SYCP2L: variants seen among roughly 807,000 people sequenced by gnomAD.
The protein encoded by SYCP2L is synaptonemal complex protein 2 like, also known as synaptonemal complex protein 2-like.
SYCP2L carries 98 observed loss-of-function variants against 125.8 expected under a neutral mutation model. The ratio of observed to expected loss-of-function variants is 0.78; its 90% confidence interval spans 0.66 to 0.92. The LOEUF (loss-of-function observed/expected upper bound fraction) is 0.92. Among genes scored for constraint, SYCP2L ranks in the 40% least tolerant of loss-of-function variants. SYCP2L has a pLI of 0.00. For missense variants in SYCP2L, 842 were observed against 936.4 expected (o/e 0.90, Z 1.32); for synonymous variants, 317 against 325.4 (o/e 0.97, Z 0.28).
At chr6:10,923,793 C>T (rs1304021886) in intron 14 of SYCP2L, among the ~76,000 whole-genome samples, 2 of 151,718 alleles carry the variant, frequency 1.3e-5, no homozygotes, top group Non-Finnish European at 2.9e-5. Flanking sequence ...ACGCCATTCT[C>T]CCGCCTCAGC....
intron 21 of SYCP2L, among the ~76,000 whole-genome samples, chr6:10,936,018 T>C (rs1049245966): frequency 6.6e-6 from 1 of 151,104 alleles, no homozygotes; most frequent in African/African-American, 2.4e-5. Context: ...TGTTTTTAAG[T>C]TTGTTAATAA....
At chr6:10,906,971 C>T (rs1780508356) in intron 9 of SYCP2L, among the ~76,000 whole-genome samples, 3 of 151,738 alleles carry the variant, frequency 2.0e-5, no homozygotes, top group Admixed American at 2.0e-4. Context: ...AATATAACAC[C>T]CATAAATATT....
chr6:10,949,427 C>T (rs551920048), intron 23 of SYCP2L, among the ~76,000 whole-genome samples: 2 of 152,152 alleles, frequency 1.3e-5, no homozygotes, highest in East Asian at 3.9e-4. Flanking sequence ...TTACTTATTG[C>T]TAATTTTTTG....
chr6:10,920,057 C>T (rs1780766595), intron 14 of SYCP2L, among the ~76,000 whole-genome samples: 1 of 152,122 alleles, frequency 6.6e-6, no homozygotes, highest in Non-Finnish European at 1.5e-5. Context: ...TCATGACTTG[C>T]TTTGATGTCT....
chr6:10,950,756 G>A (rs961257249), intron 23 of SYCP2L, among the ~76,000 whole-genome samples: 1 of 152,060 alleles, frequency 6.6e-6, no homozygotes, highest in Non-Finnish European at 1.5e-5. Flanking sequence ...GATCTCCCAG[G>A]CTTAAGCAAT....
intron 14 of SYCP2L, among the ~76,000 whole-genome samples, chr6:10,919,000 T>A (rs1780740497): frequency 6.6e-6 from 1 of 152,206 alleles, no homozygotes; most frequent in Non-Finnish European, 1.5e-5. Flanking sequence ...TTTTATTTCC[T>A]TACATTGGGC....
rs550022592 is a variant in SYCP2L, at chr6:10,914,076, G to A, written c.1072+1149G>A. On this transcript the variant is annotated intron_variant, in intron 14 of 29. Transcript: ENST00000283141. Reference sequence around the variant, plus strand: ...TTGAACTCCTGATTTCAGGTGATCCGTCCACCTTGGCCTCCCAAAGTGCTG... The same window carrying A: ...TTGAACTCCTGATTTCAGGTGATCCATCCACCTTGGCCTCCCAAAGTGCTG... 2.0e-4 allele frequency among the ~76,000 whole-genome samples: 31 copies of A among 152,164 alleles called. 1 individual carries two copies. Among genetic ancestry groups the A allele is most frequent in the African/African-American group, 6.5e-4 (27 of 41,536 alleles).
intron 14 of SYCP2L, among the ~76,000 whole-genome samples, chr6:10,920,003 G>A (rs1780765291): frequency 6.6e-6 from 1 of 152,136 alleles, no homozygotes; most frequent in Non-Finnish European, 1.5e-5. Context: ...AGGGGACTTG[G>A]CATGAATGGC....
At chr6:10,897,945 T>A in intron 4 of SYCP2L, 66 bp from the exon 5 acceptor site, 2 of 1,019,154 alleles carry the variant, frequency 2.0e-6, no homozygotes, top group Non-Finnish European at 3.1e-6. Context: ...GAAAATTGTC[T>A]TGTGCAATTT....
chr6:10,921,607 T>C lies in SYCP2L; in HGVS notation c.1073-2889T>C, dbSNP rs552240505. On this transcript the variant is annotated intron_variant, in intron 14 of 29. Coordinates refer to ENST00000283141, the MANE Select transcript of SYCP2L (RefSeq NM_001040274.3). The stretch of plus-strand genomic sequence containing the variant: ...GATGGTATCTCATTGTGGTTTTGAT[T>C]TGCATTTCTCTGATGATCAGTGATG... Among the ~76,000 whole-genome samples, 6 of 152,314 alleles carry C rather than the reference T, an allele frequency of 3.9e-5. No individual in the cohort carries two copies. The East Asian group carries it at 1.2e-3, about 29-fold the overall frequency.
chr6:10,934,174 C>T (rs975959921), intron 20 of SYCP2L, among the ~76,000 whole-genome samples: 1 of 152,140 alleles, frequency 6.6e-6, no homozygotes, highest in Non-Finnish European at 1.5e-5. Flanking sequence ...ATTCTCCCTC[C>T]CCTTTGGTTT....
intron 18 of SYCP2L, 148 bp from the exon 19 acceptor site, chr6:10,930,222 C>T: frequency 1.4e-6 from 1 of 724,840 alleles, no homozygotes; most frequent in Non-Finnish European, 2.1e-6. Context: ...TCTTCCACTC[C>T]ATACTTCTTT....
At chr6:10,941,653 A>G (rs1781222758) in intron 21 of SYCP2L, among the ~76,000 whole-genome samples, 2 of 152,288 alleles carry the variant, frequency 1.3e-5, no homozygotes, top group African/African-American at 4.8e-5. Context: ...GAAACAACAG[A>G]TGCTGGAGAG....
chr6:10,938,484 T>C (rs1321821509), intron 21 of SYCP2L, among the ~76,000 whole-genome samples: 1 of 152,214 alleles, frequency 6.6e-6, no homozygotes, highest in Non-Finnish European at 1.5e-5. Flanking sequence ...GCTTTTCCTC[T>C]AAGATCAGGA....
At chr6:10,931,942 G>A (rs1269775718) in intron 20 of SYCP2L, among the ~76,000 whole-genome samples, 2 of 146,496 alleles carry the variant, frequency 1.4e-5, no homozygotes, top group Non-Finnish European at 3.0e-5. Flanking sequence ...TGCAGCCTGG[G>A]TGACAGAATG....
At chr6:10,909,379 C>G (rs775615993) in intron 10 of SYCP2L, among the ~76,000 whole-genome samples, 2 of 151,990 alleles carry the variant, frequency 1.3e-5, no homozygotes, top group Non-Finnish European at 2.9e-5. Context: ...CTGCCCGCCT[C>G]GGCCTCCCAA....
At chr6:10,939,879 A>G (rs111819272) in intron 21 of SYCP2L, among the ~76,000 whole-genome samples, 180 of 149,742 alleles carry the variant, frequency 1.2e-3, no homozygotes, top group African/African-American at 4.1e-3. Flanking sequence ...GTGCACAGCA[A>G]AGAAAGCAAT....
Position 10,961,528 on chromosome 6 carries a change from T to C in SYCP2L, c.2384T>C (p.Leu795Pro). The C allele has an allele frequency of 6.2e-7, 1 of 1,614,212 alleles. No homozygotes were observed. Among genetic ancestry groups the C allele is most frequent in the Admixed American group, 1.7e-5 (1 of 60,030 alleles). The change falls in exon 28 of 30, where the codon CTG becomes CCG. Residue 795 changes from leucine to proline, a missense_variant. Physicochemically the swap from Leu to Pro is moderately conservative, Grantham distance 98. Transcript: ENST00000283141. Reference protein sequence around the residue: ...LEFWGKQSADLQSFCDLQVLR... With the variant: ...LEFWGKQSADPQSFCDLQVLR... ...TTCTGGGGGAAACAGTCTGCTGATCTGCAATCTTTCTGTGATCTGCAAGTG... is the reference window on the plus strand; with the variant it reads ...TTCTGGGGGAAACAGTCTGCTGATCCGCAATCTTTCTGTGATCTGCAAGTG...
chr6:10,971,188 C>T (rs987912833), intron 29 of SYCP2L, among the ~76,000 whole-genome samples: 9 of 152,026 alleles, frequency 5.9e-5, no homozygotes, highest in African/African-American at 2.2e-4. Context: ...GATAGGGGGT[C>T]GGGCTCACAC....
Sources: allele counts gnomAD v4.1 joint callset (sites outside exome capture counted in the v4.1 genomes callset), GRCh38; gene constraint gnomAD v4.1.1; transcripts MANE v1.5; gene names NCBI Gene and HGNC (gene_info 2026-07-23, HGNC 2026-07-21).